XRRA1: variants seen among roughly 807,000 people sequenced by gnomAD.
XRRA1 encodes the protein X-ray radiation resistance associated 1, also known as X-ray radiation resistance-associated protein 1.
A neutral mutation model predicts 80.2 loss-of-function variants in XRRA1; 69 were observed. The observed-to-expected ratio is 0.86, with a 90% CI of 0.71 to 1.05. XRRA1 has a LOEUF of 1.05. Ranked by LOEUF, XRRA1 falls within the 50% of genes least tolerant of loss-of-function variation. XRRA1 has a pLI of 0.00. For missense variants in XRRA1, 967 were observed against 976.4 expected (o/e 0.99, Z 0.13); for synonymous variants, 348 against 389.9 (o/e 0.89, Z 1.27).
At chr11:74,939,306 T>G (rs1314100809) in intron 3 of XRRA1, among the ~76,000 whole-genome samples, 1 of 152,164 alleles carries the variant, frequency 6.6e-6, no homozygotes, top group East Asian at 1.9e-4. Context: ...GAGCCAAGAT[T>G]GCACTGCTGC....
At chr11:74,879,980 A>G (rs531207195) in intron 10 of XRRA1, among the ~76,000 whole-genome samples, 6 of 152,062 alleles carry the variant, frequency 3.9e-5, no homozygotes, top group Non-Finnish European at 7.4e-5. Flanking sequence ...CTGGCCTCAT[A>G]AAATGAGTTA....
intron 12 of XRRA1, among the ~76,000 whole-genome samples, chr11:74,855,856 C>T (rs368215365): frequency 1.1e-4 from 16 of 152,234 alleles, no homozygotes; most frequent in African/African-American, 3.4e-4. Context: ...TTCATGGGGT[C>T]GGGTGTGGTG....
At chr11:74,897,141 C>T (rs944817731) in intron 10 of XRRA1, among the ~76,000 whole-genome samples, 1 of 151,950 alleles carries the variant, frequency 6.6e-6, no homozygotes, top group Non-Finnish European at 1.5e-5. Context: ...AGAAGGAATT[C>T]AGAATTCTAT....
chr11:74,918,850 G>C (rs749100560), intron 8 of XRRA1: 1 of 152,258 alleles, frequency 6.6e-6, no homozygotes, highest in African/African-American at 2.4e-5. Flanking sequence ...AGCAGTGATA[G>C]TGCAACAGCA....
intron 5 of XRRA1, 119 bp downstream of exon 5, chr11:74,933,682 T>C: frequency 1.2e-6 from 1 of 833,652 alleles, no homozygotes; most frequent in Non-Finnish European, 1.9e-6. Context: ...TCCCTCCTTC[T>C]TCGTGACCAG....
chr11:74,901,254 A>G (rs1475618195), intron 10 of XRRA1, among the ~76,000 whole-genome samples: 1 of 152,220 alleles, frequency 6.6e-6, no homozygotes, highest in Non-Finnish European at 1.5e-5. Flanking sequence ...GATCTCTACA[A>G]TAAAAACTAT....
chr11:74,937,847 C>G (rs1450889976), intron 3 of XRRA1, among the ~76,000 whole-genome samples: 1 of 152,166 alleles, frequency 6.6e-6, no homozygotes, highest in African/African-American at 2.4e-5. Flanking sequence ...TCCGTAAGAG[C>G]AGGGACTTTA....
At chr11:74,945,978 C>T (rs1199563329) in intron 1 of XRRA1, among the ~76,000 whole-genome samples, 1 of 151,250 alleles carries the variant, frequency 6.6e-6, no homozygotes, top group Non-Finnish European at 1.5e-5. Context: ...TTCTTTTTTT[C>T]TTGAGACAAG....
At chr11:74,853,931 G>C (rs952494062) in intron 12 of XRRA1, among the ~76,000 whole-genome samples, 1 of 152,016 alleles carries the variant, frequency 6.6e-6, no homozygotes. Flanking sequence ...CTCATTAGAT[G>C]GATTTTAGAA....
At chr11:74,927,913 T>C (rs1942657043) in intron 6 of XRRA1, among the ~76,000 whole-genome samples, 1 of 152,232 alleles carries the variant, frequency 6.6e-6, no homozygotes, top group Admixed American at 6.5e-5. Flanking sequence ...TATATAGCAC[T>C]CAACTTTTTC....
Position 74,921,190 on chromosome 11 carries a change from T to C in XRRA1, c.656+24A>G, listed in dbSNP as rs1366177534. 3 of 1,610,596 alleles carry C rather than the reference T, an allele frequency of 1.9e-6. No individual in the cohort carries two copies. The East Asian group carries it at 6.7e-5, about 36-fold the overall frequency. On this transcript the variant is annotated intron_variant, in intron 8 of 18. Coordinates refer to ENST00000684022, the MANE Select transcript of XRRA1 (RefSeq NM_001378157.1). ...GATATTTGTACACAAAAACACAGAA[T>C]GGACTCCAGGAGGTAGAACTTACTG...
At chr11:74,894,794 T>G (rs943989901) in intron 10 of XRRA1, among the ~76,000 whole-genome samples, 4 of 152,098 alleles carry the variant, frequency 2.6e-5, no homozygotes, top group African/African-American at 9.7e-5. Context: ...AATCAAGATT[T>G]TCTCTTAAAA....
chr11:74,934,668 G>T (rs1319929124), intron 4 of XRRA1, among the ~76,000 whole-genome samples: 1 of 152,122 alleles, frequency 6.6e-6, no homozygotes, highest in Non-Finnish European at 1.5e-5. Context: ...AGTCTACCAA[G>T]GCAGGAAAAA....
chr11:74,877,782 G>A (rs1263676469), intron 10 of XRRA1, among the ~76,000 whole-genome samples: 1 of 151,966 alleles, frequency 6.6e-6, no homozygotes, highest in Non-Finnish European at 1.5e-5. Context: ...TCCCTACAAA[G>A]GACATGAACT....
chr11:74,924,050 C>T (rs942478447), intron 7 of XRRA1, among the ~76,000 whole-genome samples: 4 of 151,960 alleles, frequency 2.6e-5, no homozygotes, highest in African/African-American at 9.7e-5. Flanking sequence ...ATTTTGTTCC[C>T]AGGCTGGTCT....
At chr11:74,877,791 CTCA>C (rs2046416264) in intron 10 of XRRA1, among the ~76,000 whole-genome samples, 1 of 152,172 alleles carries the variant, frequency 6.6e-6, no homozygotes, top group East Asian at 1.9e-4. Flanking sequence ...AGGACATGAA[CTCA>C]TCATTTTTTA....
At chr11:74,883,954 T>C (rs1301157851) in intron 10 of XRRA1, among the ~76,000 whole-genome samples, 2 of 152,102 alleles carry the variant, frequency 1.3e-5, no homozygotes, top group African/African-American at 4.8e-5. Flanking sequence ...TCGCAGCACT[T>C]TGGGAGGCTG....
chr11:74,861,618 A>G (rs1275385639), intron 11 of XRRA1, among the ~76,000 whole-genome samples: 2 of 152,256 alleles, frequency 1.3e-5, no homozygotes, highest in African/African-American at 2.4e-5. Context: ...TAACAGAAAT[A>G]AAGTACATAA....
rs375095469 is a variant in XRRA1, at chr11:74,852,018, T to C, written c.1235A>G (p.His412Arg). The change falls in exon 13 of 19, where the codon CAT becomes CGT. Residue 412 changes from histidine to arginine, a missense_variant. Transcript: ENST00000684022. ...TGTATGGGCCACCAGAGGGTTGTTA[T>C]GAAAGACGAACTCGCAGAGAGATGG... ...LFPSLCEFVFHNNPLVAHTRG... is the reference protein window; with the variant it reads ...LFPSLCEFVFRNNPLVAHTRG... 303 of 1,613,846 alleles carry C rather than the reference T, an allele frequency of 1.9e-4. No homozygotes were observed. Among genetic ancestry groups the C allele is most frequent in the Admixed American group, 4.7e-4 (28 of 60,004 alleles).
Sources: gnomAD v4.1 joint callset for allele counts (sites outside exome capture counted in the v4.1 genomes callset) on GRCh38, gnomAD v4.1.1 for gene constraint, MANE v1.5 for transcripts, NCBI Gene and HGNC (gene_info 2026-07-23, HGNC 2026-07-21) for gene names.